The following GBA1 variants were observed in gnomAD, a reference collection of about 807,000 sequenced individuals.
The protein encoded by GBA1 is glucosylceramidase beta 1, also known as lysosomal acid glucosylceramidase.
the GBA1 span, chr1:155,235,188 C>T: frequency 1.2e-5 from 19 of 1,609,334 alleles, no homozygotes; most frequent in East Asian, 2.0e-4. Context: ...CTCACCATTG[C>T]CCTCACCGGT....
chr1:155,243,461 G>C, the GBA1 span, among the ~76,000 whole-genome samples: 2 of 152,064 alleles, frequency 1.3e-5, no homozygotes, highest in East Asian at 3.9e-4. Context: ...GCCAGGTACT[G>C]AGCAATTTTT....
At chr1:155,240,266 C>T in the GBA1 span, 1 of 616,958 alleles carries the variant, frequency 1.6e-6, no homozygotes, top group Non-Finnish European at 2.9e-6. Flanking sequence ...GAGTTTGAGA[C>T]CTGCCTTGCC....
At chr1:155,244,344 G>A in the GBA1 span, 1 of 152,126 alleles carries the variant, frequency 6.6e-6, no homozygotes, top group Non-Finnish European at 1.5e-5. Context: ...AGGTTGCAGT[G>A]AGCCAAGAAG....
chr1:155,238,891 C>T, the GBA1 span: 5 of 561,248 alleles, frequency 8.9e-6, no homozygotes, highest in Non-Finnish European at 1.3e-5. Context: ...AAACAGGAAC[C>T]AAATGTCAGG....
the GBA1 span, chr1:155,239,548 T>G: frequency 2.5e-5 from 39 of 1,578,506 alleles, no homozygotes; most frequent in African/African-American, 6.8e-5. Context: ...TCAAAAAAAT[T>G]TTAAAAAAAG....
the GBA1 span, chr1:155,237,233 G>A: frequency 6.3e-7 from 1 of 1,576,516 alleles, no homozygotes; most frequent in East Asian, 2.3e-5. Flanking sequence ...GGGGAATGGT[G>A]CTCTAGGAAT....
At chr1:155,240,147 G>C in the GBA1 span, 11 of 1,423,138 alleles carry the variant, frequency 7.7e-6, no homozygotes, top group African/African-American at 1.3e-4. Flanking sequence ...TCTGCTAGGA[G>C]AGACTGAACA....
At chr1:155,238,481 A>G in the GBA1 span, 1 of 1,571,300 alleles carries the variant, frequency 6.4e-7, no homozygotes, top group Admixed American at 1.7e-5. Flanking sequence ...CCCAGACATC[A>G]GGGCCCTCAG....
chr1:155,236,527 T>A, the GBA1 span: 1 of 1,374,884 alleles, frequency 7.3e-7, no homozygotes, highest in Non-Finnish European at 1.0e-6. Context: ...GAACTTCTAG[T>A]TCCTGTTGTA....
the GBA1 span, among the ~76,000 whole-genome samples, chr1:155,242,627 T>TA: frequency 2.0e-5 from 3 of 151,548 alleles, no homozygotes; most frequent in African/African-American, 7.3e-5. Context: ...TAATTTTTTT[T>TA]TTTTTGGTTT....
the GBA1 span, chr1:155,235,678 C>T: frequency 1.9e-6 from 3 of 1,596,542 alleles, no homozygotes; most frequent in Non-Finnish European, 2.6e-6. Context: ...GCCCTCCACT[C>T]ACCTGAAGTG....
chr1:155,235,716 G>A, the GBA1 span: 1 of 1,612,708 alleles, frequency 6.2e-7, no homozygotes, highest in Non-Finnish European at 8.5e-7. Flanking sequence ...TGGGCTGTTT[G>A]TAAAACGTGT....
At chr1:155,236,618 C>CA in the GBA1 span, 17 of 711,282 alleles carry the variant, frequency 2.4e-5, no homozygotes, top group Non-Finnish European at 3.5e-5. Flanking sequence ...GACAGGATGT[C>CA]ACTCTGTCAC....
At chr1:155,239,230 AG>A in the GBA1 span, among the ~76,000 whole-genome samples, 1 of 151,378 alleles carries the variant, frequency 6.6e-6, no homozygotes, top group Non-Finnish European at 1.5e-5. Context: ...AAAAAAAAAA[AG>A]AAAAAAGAAA....
At chr1:155,239,989 C>CG in the GBA1 span, 11 of 1,613,966 alleles carry the variant, frequency 6.8e-6, no homozygotes, top group South Asian at 3.3e-5. Context: ...CAGGAAAGGT[C>CG]GGGGGGTCAA....
the GBA1 span, chr1:155,238,957 G>A: frequency 3.1e-4 from 122 of 394,252 alleles, 1 homozygote; most frequent in African/African-American, 2.0e-3. Context: ...AGTGGCTCAC[G>A]CATGTAATCC....
the GBA1 span, chr1:155,241,127 T>C: frequency 1.2e-3 from 1,866 of 1,613,658 alleles, 5 homozygotes; most frequent in Non-Finnish European, 1.3e-3. Flanking sequence ...TCAGGGTCAT[T>C]AGATGAAGAG....
chr1:155,237,410 A>G, the GBA1 span: 1 of 1,614,004 alleles, frequency 6.2e-7, no homozygotes, highest in Non-Finnish European at 8.5e-7. Flanking sequence ...TGTGGTGAGT[A>G]CTGTTGGCGA....
the GBA1 span, chr1:155,240,535 T>C: frequency 1.0e-6 from 1 of 975,106 alleles, no homozygotes. Context: ...GAGCACCTAC[T>C]AAAAGTCTAC....
Sources: gnomAD v4.1 joint callset for allele counts (sites outside exome capture counted in the v4.1 genomes callset) on GRCh38, gnomAD v4.1.1 for gene constraint, MANE v1.5 for transcripts, NCBI Gene and HGNC (gene_info 2026-07-23, HGNC 2026-07-21) for gene names.